The following ZCCHC9 variants were observed in gnomAD, a reference collection of about 807,000 sequenced individuals.
ZCCHC9 encodes the protein zinc finger CCHC-type containing 9, also known as zinc finger CCHC domain-containing protein 9.
Under a neutral mutation model 30.8 loss-of-function variants are expected in ZCCHC9, and 18 were observed. The observed-to-expected ratio is 0.58, with a 90% CI of 0.40 to 0.87. The LOEUF is 0.87. Among genes scored for constraint, ZCCHC9 ranks in the 40% least tolerant of loss-of-function variants. ZCCHC9 has a pLI of 0.00. For synonymous variants in ZCCHC9, 94 were observed against 106.7 expected (o/e 0.88, Z 0.73); for missense variants, 279 against 331.2 (o/e 0.84, Z 1.22).
rs144222810 is a variant in ZCCHC9, at chr5:81,304,832, G to A, written c.75G>A (p.Lys25=). 6.2e-6 allele frequency: 10 copies of A among 1,614,040 alleles called. No individual in the cohort carries two copies. The African/African-American group carries it at 9.3e-5, about 15-fold the overall frequency. The change falls in exon 2 of 6, where the codon AAG becomes AAA. Residue 25 remains lysine (K), a synonymous_variant. Transcript: ENST00000407610. The part of the protein sequence containing the change: ...PLPATSWEDM[K]KGSFEGTSQN... ...CTGCAACATCATGGGAGGACATGAA[G>A]AAGGGATCCTTTGAGGGAACAAGCC...
chr5:81,305,090 T>A lies in ZCCHC9; in HGVS notation c.333T>A (p.Ser111Arg), dbSNP rs1758052206. The A allele has an allele frequency of 6.2e-7, 1 of 1,606,626 alleles. No homozygotes were observed. The highest frequency in any genetic ancestry group is 8.5e-7 in the Non-Finnish European group (1 of 1,178,232). The change falls in exon 2 of 6, where the codon AGT becomes AGA. Residue 111 changes from serine to arginine, a missense_variant. Ser to Arg is a moderately radical substitution (Grantham distance 110). Transcript: ENST00000407610. ...EEIAVALKKD[S>R]RREGRRLKRQ... The stretch of plus-strand genomic sequence containing the variant: ...TTGCAGTTGCTTTAAAGAAAGACAG[T>A]CGACGGGAAGGAAGAAGATTAAAAA...
chr5:81,309,351 T>G (rs1758198799), intron 4 of ZCCHC9, among the ~76,000 whole-genome samples: 1 of 152,238 alleles, frequency 6.6e-6, no homozygotes, highest in Admixed American at 6.5e-5. Context: ...CAAGCTAATA[T>G]GAGGTTTTTA....
intron 2 of ZCCHC9, among the ~76,000 whole-genome samples, chr5:81,305,663 T>C (rs1169810780): frequency 6.6e-6 from 1 of 151,814 alleles, no homozygotes; most frequent in Non-Finnish European, 1.5e-5. Flanking sequence ...TACTGCCAGC[T>C]GAGGCAGGAG....
In ZCCHC9 at chr5:81,305,146, G is replaced by C. The variant is rs775992414; in HGVS notation, c.384+5G>C. ...GCGGCAAAGAAAAATGCAATGGTGAGAGCATCACTTCTACCATGTTATTTA... is the reference window on the plus strand; with the variant it reads ...GCGGCAAAGAAAAATGCAATGGTGACAGCATCACTTCTACCATGTTATTTA... On this transcript the variant is annotated splice_donor_5th_base_variant and intron_variant, in intron 2 of 5. Coordinates refer to ENST00000407610, the MANE Select transcript of ZCCHC9 (RefSeq NM_001131035.2). 2 of 1,585,440 alleles carry C rather than the reference G, an allele frequency of 1.3e-6. No individual in the cohort carries two copies. Among genetic ancestry groups the C allele is most frequent in the Non-Finnish European group, 1.7e-6 (2 of 1,170,408 alleles).
chr5:81,308,519 G>T, intron 2 of ZCCHC9, 42 bp from the exon 3 acceptor site: 1 of 1,551,924 alleles, frequency 6.4e-7, no homozygotes, highest in Non-Finnish European at 8.7e-7. Context: ...AAAGTCACTG[G>T]TATAGTTTTG....
At chr5:81,305,202 C>G (rs1758055382) in intron 2 of ZCCHC9, 61 bp downstream of exon 2, 3 of 1,530,172 alleles carry the variant, frequency 2.0e-6, no homozygotes, top group South Asian at 2.7e-5. Context: ...TTCTTATATT[C>G]ACACACATAT....
At chr5:81,304,218 A>G (rs1444163288) in intron 1 of ZCCHC9, 2 of 152,386 alleles carry the variant, frequency 1.3e-5, no homozygotes, top group Non-Finnish European at 2.9e-5. Flanking sequence ...ACACTTTTAT[A>G]TGTTTTACTT....
rs1341406399 is a variant in ZCCHC9, at chr5:81,312,696, T to C, written c.*34T>C. The stretch of plus-strand genomic sequence containing the variant: ...AGCACTATCATGAGTTACTACCTCA[T>C]TGTTACTTTCTAAACCAGGCCCGCT... On this transcript the variant is annotated 3_prime_UTR_variant, in exon 6 of 6. Coordinates refer to ENST00000407610, the MANE Select transcript of ZCCHC9 (RefSeq NM_001131035.2). 2.7e-6 allele frequency: 4 copies of C among 1,501,900 alleles called. No homozygotes were observed. Among genetic ancestry groups the C allele is most frequent in the Non-Finnish European group, 3.7e-6 (4 of 1,080,762 alleles). 93.0% of individuals were successfully genotyped at this position (1,501,900 alleles called of 1,614,324 possible).
chr5:81,303,150 T>G (rs6871676), intron 1 of ZCCHC9: 1 of 151,922 alleles, frequency 6.6e-6, no homozygotes, highest in African/African-American at 2.4e-5. Context: ...CTGCCTCAGC[T>G]TCCCAGGTGG....
chr5:81,306,956 C>G (rs1389544672), intron 2 of ZCCHC9, among the ~76,000 whole-genome samples: 2 of 151,984 alleles, frequency 1.3e-5, no homozygotes, highest in Non-Finnish European at 2.9e-5. Flanking sequence ...TTTGGACCAG[C>G]TCATTCTAAA....
chr5:81,301,872 G>A (rs1757965059), intron 1 of ZCCHC9, 174 bp downstream of exon 1: 1 of 152,476 alleles, frequency 6.6e-6, no homozygotes, highest in Non-Finnish European at 1.5e-5. Context: ...GGCTGCTGGG[G>A]GCTGTGCGTC....
At chr5:81,310,044 C>G (rs953365959) in intron 4 of ZCCHC9, among the ~76,000 whole-genome samples, 3 of 151,042 alleles carry the variant, frequency 2.0e-5, no homozygotes, top group Admixed American at 1.3e-4. Context: ...TATAAAGAGG[C>G]CAGGGCCTGG....
chr5:81,307,236 C>A (rs935034723), intron 2 of ZCCHC9, among the ~76,000 whole-genome samples: 18 of 152,122 alleles, frequency 1.2e-4, no homozygotes, highest in African/African-American at 4.3e-4. Context: ...CAAAAAAATT[C>A]TTCAAATTTC....
chr5:81,311,856 G>A (rs769809691), intron 5 of ZCCHC9, among the ~76,000 whole-genome samples: 1 of 152,180 alleles, frequency 6.6e-6, no homozygotes, highest in Non-Finnish European at 1.5e-5. Context: ...TATTACATTA[G>A]TTTGCCTGGA....
chr5:81,312,617 A>G lies in ZCCHC9; in HGVS notation c.771A>G (p.Lys257=), dbSNP rs1758325892. The G allele has an allele frequency of 6.2e-7, 1 of 1,613,842 alleles. No homozygotes were observed. The highest frequency in any genetic ancestry group is 1.3e-5 in the African/African-American group (1 of 74,920). ...ADYEEILDVP[K]PQKPKTKIPK... ...ATGAAGAAATTTTGGATGTACCTAA[A>G]CCGCAAAAACCCAAAACAAAAATAC... Residue 257 remains lysine, a synonymous_variant, in exon 6 of 6, where the codon AAA becomes AAG. Transcript: ENST00000407610.
At chr5:81,306,978 C>T (rs1758097119) in intron 2 of ZCCHC9, among the ~76,000 whole-genome samples, 1 of 151,868 alleles carries the variant, frequency 6.6e-6, no homozygotes, top group Non-Finnish European at 1.5e-5. Flanking sequence ...GTACAAGTTA[C>T]TGAAGAATTT....
At chr5:81,307,994 CAAAAAAAAAAAA>C (rs11322486) in intron 2 of ZCCHC9, among the ~76,000 whole-genome samples, 5 of 30,298 alleles carry the variant, frequency 1.7e-4, no homozygotes, top group Admixed American at 5.5e-4. Context: ...GACTCCGTCT[CAAAAAAAAAAAA>C]AAAAAAAAAA....
rs932637341 is a variant in ZCCHC9, at chr5:81,309,530, C to T, written c.628+492C>T. On this transcript the variant is annotated intron_variant, in intron 4 of 5. Transcript: ENST00000407610. ...CTTTAACTCGGGTAATTAAGGTTCA[C>T]ACAGTAAAGTCTATGCGGTCTAAAG... Among the ~76,000 whole-genome samples, 5 of 152,172 alleles carry T rather than the reference C, an allele frequency of 3.3e-5. 1 individual carries two copies. The highest frequency in any genetic ancestry group is 1.3e-4 in the Admixed American group (2 of 15,286).
chr5:81,310,396 G>A (rs1327403474), intron 4 of ZCCHC9, among the ~76,000 whole-genome samples: 2 of 151,954 alleles, frequency 1.3e-5, no homozygotes, highest in African/African-American at 2.4e-5. Context: ...TTTTTAAGAG[G>A]TAAAGCATTA....
Sources: gnomAD v4.1 joint callset for allele counts (sites outside exome capture counted in the v4.1 genomes callset) on GRCh38, gnomAD v4.1.1 for gene constraint, MANE v1.5 for transcripts, NCBI Gene and HGNC (gene_info 2026-07-23, HGNC 2026-07-21) for gene names.